Variants in NTNG1 observed in about 807,000 individuals in gnomAD.
NTNG1 encodes netrin G1.
A neutral mutation model predicts 54.0 loss-of-function variants in NTNG1; 16 were observed. The observed-to-expected ratio is 0.30, with a 90% CI of 0.20 to 0.45. The LOEUF (loss-of-function observed/expected upper bound fraction) is 0.45, where lower values mean the gene tolerates loss of function less well. Among genes scored for constraint, NTNG1 ranks in the 20% least tolerant of loss-of-function variants. The pLI, the probability that NTNG1 is intolerant of heterozygous loss-of-function variation, is 1.00. For missense variants in NTNG1, 530 were observed against 678.7 expected (o/e 0.78, Z 2.43); for synonymous variants, 255 against 263.1 (o/e 0.97, Z 0.30).
In NTNG1 at chr1:107,378,630, G is replaced by C. The variant is rs181778198; in HGVS notation, c.888-16524G>C. Among the ~76,000 whole-genome samples the C allele has an allele frequency of 2.1e-3, 316 of 152,324 alleles. 2 individuals are homozygous for C. Among genetic ancestry groups the C allele is most frequent in the Middle Eastern group, 0.02 (6 of 294 alleles). On this transcript the variant is annotated intron_variant, in intron 3 of 7. Coordinates refer to ENST00000370068, the MANE Select transcript of NTNG1 (RefSeq NM_001113226.3). ...AGAGCTGGGTATGGAGCCAATGTCA[G>C]GCTCAGGAGAAGAATGTCGAGGAAG... is the stretch of plus-strand genomic sequence containing the variant.
At chr1:107,357,746 G>A (rs1670025117) in intron 3 of NTNG1, among the ~76,000 whole-genome samples, 1 of 151,920 alleles carries the variant, frequency 6.6e-6, no homozygotes, top group African/African-American at 2.4e-5. Context: ...TTTTCACAAT[G>A]ACAGCTGTAA....
chr1:107,164,275 G>A (rs1472154074), intron 2 of NTNG1, among the ~76,000 whole-genome samples: 2 of 152,198 alleles, frequency 1.3e-5, no homozygotes, highest in African/African-American at 4.8e-5. Flanking sequence ...GGCCAACAGT[G>A]CCTGCTGGTC....
intron 2 of NTNG1, among the ~76,000 whole-genome samples, chr1:107,211,176 G>GAAGCATCA (rs1301951769): frequency 2.0e-5 from 3 of 152,106 alleles, no homozygotes; most frequent in Non-Finnish European, 4.4e-5. Flanking sequence ...GTGAATTGTA[G>GAAGCATCA]AAGCATCATA....
chr1:107,234,431 GT>G (rs563316742), intron 2 of NTNG1, among the ~76,000 whole-genome samples: 2,125 of 150,480 alleles, frequency 0.014, 19 homozygotes, highest in Non-Finnish European at 0.023. Flanking sequence ...CCCCTTTTCA[GT>G]TTTTTTTTCG....
intron 2 of NTNG1, among the ~76,000 whole-genome samples, chr1:107,179,624 A>C (rs918611918): frequency 1.3e-5 from 2 of 152,096 alleles, no homozygotes; most frequent in African/African-American, 4.8e-5. Flanking sequence ...CAAGGGTACA[A>C]GTGCAGGTTT....
In NTNG1 at chr1:107,246,986, T is replaced by A. The variant is rs570087588; in HGVS notation, c.247-77296T>A. On this transcript the variant is annotated intron_variant, in intron 2 of 7. Coordinates refer to ENST00000370068, the MANE Select transcript of NTNG1 (RefSeq NM_001113226.3). ...ATCTGCCACTTCTCTGTGGCTTTATTGATGTGGCTGTCACCCTAGAAACCC... is the reference window on the plus strand; with the variant it reads ...ATCTGCCACTTCTCTGTGGCTTTATAGATGTGGCTGTCACCCTAGAAACCC... Among the ~76,000 whole-genome samples, 126 of 152,284 alleles carry A rather than the reference T, an allele frequency of 8.3e-4. 1 individual carries two copies. The highest frequency in any genetic ancestry group is 2.8e-3 in the African/African-American group (118 of 41,580).
intron 4 of NTNG1, among the ~76,000 whole-genome samples, chr1:107,407,026 TA>T (rs1267565531): frequency 2.6e-5 from 4 of 152,168 alleles, no homozygotes; most frequent in Non-Finnish European, 5.9e-5. Flanking sequence ...ACTTGTGAAT[TA>T]AAGTGAAAGC....
At chr1:107,363,230 G>T (rs1670397436) in intron 3 of NTNG1, among the ~76,000 whole-genome samples, 1 of 152,100 alleles carries the variant, frequency 6.6e-6, no homozygotes, top group Non-Finnish European at 1.5e-5. Flanking sequence ...TTATTCATTG[G>T]ATGGTTTTCT....
chr1:107,151,010 T>C (rs1557762633), intron 2 of NTNG1, among the ~76,000 whole-genome samples: 2 of 152,280 alleles, frequency 1.3e-5, no homozygotes, highest in South Asian at 4.1e-4. Flanking sequence ...TGCATCTTAG[T>C]GTGATGCGGA....
At chr1:107,316,904 G>C (rs1480516681) in intron 2 of NTNG1, among the ~76,000 whole-genome samples, 1 of 152,126 alleles carries the variant, frequency 6.6e-6, no homozygotes, top group African/African-American at 2.4e-5. Flanking sequence ...AAGAAATAAG[G>C]AATCTGAGAA....
At chr1:107,450,458 T>C (rs1293910603) in intron 7 of NTNG1, among the ~76,000 whole-genome samples, 3 of 152,060 alleles carry the variant, frequency 2.0e-5, no homozygotes, top group Non-Finnish European at 4.4e-5. Context: ...AAACTATAAA[T>C]GATGGTACCC....
At position 107,436,780 on chromosome 1, in the gene NTNG1, C is replaced by G. The variant is rs373862222; in HGVS notation, c.1371C>G (p.Ser457=). The G allele has an allele frequency of 4.0e-5, 65 of 1,613,260 alleles. No homozygotes were observed. The highest frequency in any genetic ancestry group is 5.3e-5 in the Non-Finnish European group (62 of 1,179,546). ...PKCDECLPGN[S]WHYGCQPNVC... Reference sequence around the variant, plus strand: ...GTGATGAGTGTCTGCCGGGAAATTCCTGGCACTACGGCTGTCAACGTAAGT... The same window carrying G: ...GTGATGAGTGTCTGCCGGGAAATTCGTGGCACTACGGCTGTCAACGTAAGT... The change falls in exon 7 of 8, where the codon TCC becomes TCG. Residue 457 remains serine (S), a synonymous_variant. Coordinates refer to ENST00000370068, the MANE Select transcript of NTNG1 (RefSeq NM_001113226.3).
intron 7 of NTNG1, among the ~76,000 whole-genome samples, chr1:107,444,997 A>T (rs1676218266): frequency 6.6e-6 from 1 of 152,156 alleles, no homozygotes; most frequent in East Asian, 1.9e-4. Context: ...ATATATAAAG[A>T]TAATGTCTAA....
chr1:107,477,859 A>G (rs939782825), intron 7 of NTNG1, among the ~76,000 whole-genome samples: 1 of 152,206 alleles, frequency 6.6e-6, no homozygotes, highest in African/African-American at 2.4e-5. Context: ...TACAACAGAT[A>G]TTGGTTAAGC....
chr1:107,268,177 A>G (rs1452247069), intron 2 of NTNG1, among the ~76,000 whole-genome samples: 1 of 152,218 alleles, frequency 6.6e-6, no homozygotes, highest in Non-Finnish European at 1.5e-5. Context: ...CCTTCTAGAC[A>G]TTGCCACATT....
intron 2 of NTNG1, among the ~76,000 whole-genome samples, chr1:107,207,600 T>A (rs996230822): frequency 1.3e-5 from 2 of 152,222 alleles, no homozygotes; most frequent in Non-Finnish European, 2.9e-5. Context: ...TTATGTTTAG[T>A]ACCTAAGGTA....
intron 2 of NTNG1, among the ~76,000 whole-genome samples, chr1:107,239,157 G>C (rs140615502): frequency 7.2e-5 from 11 of 152,290 alleles, no homozygotes; most frequent in Non-Finnish European, 1.0e-4. Context: ...AGGAGAGTTA[G>C]GCCTAGAAGG....
At chr1:107,301,039 T>TA (rs1379788672) in intron 2 of NTNG1, among the ~76,000 whole-genome samples, 3 of 152,064 alleles carry the variant, frequency 2.0e-5, no homozygotes, top group Non-Finnish European at 4.4e-5. Context: ...TTATTTTACT[T>TA]AAAAAATTCT....
At chr1:107,263,674 T>C (rs763416044) in intron 2 of NTNG1, among the ~76,000 whole-genome samples, 2 of 152,234 alleles carry the variant, frequency 1.3e-5, no homozygotes, top group Non-Finnish European at 2.9e-5. Flanking sequence ...CCACTTAGCA[T>C]TTCTTGTCTC....
Sources: allele counts gnomAD v4.1 joint callset (sites outside exome capture counted in the v4.1 genomes callset), GRCh38; gene constraint gnomAD v4.1.1; transcripts MANE v1.5; gene names NCBI Gene and HGNC (gene_info 2026-07-23, HGNC 2026-07-21).